The following GALNT17 variants were observed in gnomAD, a reference collection of about 807,000 sequenced individuals.
GALNT17 encodes the protein polypeptide N-acetylgalactosaminyltransferase 17, also known as UDP-GalNAc:polypeptide N-acetylgalactosaminyltransferase-like 3.
Under a neutral mutation model 63.7 loss-of-function variants are expected in GALNT17, and 29 were observed. That is an observed-to-expected ratio of 0.46 (90% CI 0.34 to 0.62). GALNT17 has a LOEUF of 0.62. Ranked by LOEUF, GALNT17 falls within the 20% of genes least tolerant of loss-of-function variation. The pLI is 0.01. For missense variants in GALNT17, 603 were observed against 799.6 expected, an observed-to-expected ratio of 0.75 and a Z score of 2.97; for synonymous variants, 305 against 318.3, an observed-to-expected ratio of 0.96 and a Z score of 0.45.
At position 71,132,895 on chromosome 7, in the gene GALNT17, C is replaced by T. The variant is rs776960588; in HGVS notation, c.93C>T (p.Ile31=). ...TCTTCCTGGCCAAGTGCCGGCCCAT[C>T]GCGGTGCGCAGCGGAGACGCCTTCC... is the stretch of plus-strand genomic sequence containing the variant. ...FVLFLAKCRP[I]AVRSGDAFHE... Residue 31 remains isoleucine, a synonymous_variant, in exon 1 of 11, where the codon ATC becomes ATT. Coordinates refer to ENST00000333538, the MANE Select transcript of GALNT17 (RefSeq NM_022479.3). 2.5e-6 allele frequency: 4 copies of T among 1,612,860 alleles called. No homozygotes were observed. The Admixed American group carries it at 6.7e-5, about 27-fold the overall frequency.
intron 1 of GALNT17, among the ~76,000 whole-genome samples, chr7:71,330,153 C>T (rs962765932): frequency 2.6e-5 from 4 of 151,680 alleles, no homozygotes; most frequent in African/African-American, 9.7e-5. Context: ...GCTGGGACTA[C>T]AGGTGCACAC....
chr7:71,444,655 G>A lies in GALNT17; in HGVS notation c.962+23550G>A, dbSNP rs556051642. On this transcript the variant is annotated intron_variant, in intron 5 of 10. Transcript: ENST00000333538. ...GTTCCAGACCAACCTGGCCAACATG[G>A]TGAAACTCTGTCTTTACTAAAAATA... 9.2e-5 allele frequency among the ~76,000 whole-genome samples: 14 copies of A among 152,242 alleles called. No homozygotes were observed. The South Asian group carries it at 2.7e-3, about 29-fold the overall frequency.
chr7:71,549,959 C>T (rs1218407193), intron 5 of GALNT17, among the ~76,000 whole-genome samples: 3 of 151,274 alleles, frequency 2.0e-5, no homozygotes, highest in African/African-American at 7.3e-5. Flanking sequence ...AAAACCGTCT[C>T]CTGCTTGTCT....
chr7:71,335,806 AT>A (rs1791890686), intron 2 of GALNT17, 73 bp downstream of exon 2: 3 of 1,260,374 alleles, frequency 2.4e-6, no homozygotes, highest in Non-Finnish European at 3.1e-6. Context: ...CGTTTGTGAT[AT>A]TTTCCACTGT....
intron 6 of GALNT17, among the ~76,000 whole-genome samples, chr7:71,592,563 C>CATAGCATACTAAAATAAAATAAAA (rs373112898): frequency 0.017 from 1,193 of 69,580 alleles, 41 homozygotes; most frequent in Admixed American, 0.031. Flanking sequence ...GCATAGCATA[C>CATAGCATACTAAAATAAAATAAAA]TAAAATAAAA....
intron 1 of GALNT17, 21 bp downstream of exon 1, chr7:71,133,061 C>T: frequency 6.6e-7 from 1 of 1,519,226 alleles, no homozygotes; most frequent in South Asian, 1.3e-5. Context: ...ACGCCGGCGC[C>T]TCCGGGGCTC....
intron 5 of GALNT17, among the ~76,000 whole-genome samples, chr7:71,442,489 G>A (rs372069359): frequency 3.3e-5 from 5 of 152,108 alleles, no homozygotes; most frequent in Admixed American, 3.3e-4. Context: ...GTGAGCCACC[G>A]GCCTGCAGAA....
At chr7:71,617,478 C>A (rs1240179229) in intron 6 of GALNT17, among the ~76,000 whole-genome samples, 1 of 151,046 alleles carries the variant, frequency 6.6e-6, no homozygotes, top group African/African-American at 2.4e-5. Flanking sequence ...CCCACCACCA[C>A]TCCCAGCTAA....
At chr7:71,441,184 G>A (rs1283263470) in intron 5 of GALNT17, among the ~76,000 whole-genome samples, 1 of 151,928 alleles carries the variant, frequency 6.6e-6, no homozygotes, top group African/African-American at 2.4e-5. Context: ...CACCACGCCC[G>A]GCTGATTTTT....
intron 1 of GALNT17, among the ~76,000 whole-genome samples, chr7:71,274,300 A>T (rs1448426439): frequency 6.6e-6 from 1 of 152,184 alleles, no homozygotes; most frequent in South Asian, 2.1e-4. Context: ...ATGTTTTTAG[A>T]GATAGGGTCT....
intron 1 of GALNT17, among the ~76,000 whole-genome samples, chr7:71,193,748 G>A (rs1396016730): frequency 6.6e-6 from 1 of 152,052 alleles, no homozygotes; most frequent in Non-Finnish European, 1.5e-5. Context: ...TCAGAAAATA[G>A]CAGTATTCTT....
chr7:71,134,576 T>C (rs1787746397), intron 1 of GALNT17, among the ~76,000 whole-genome samples: 1 of 152,024 alleles, frequency 6.6e-6, no homozygotes, highest in African/African-American at 2.4e-5. Flanking sequence ...ACTTGCAGGG[T>C]ATATGGCCTG....
At chr7:71,457,377 G>T (rs758068980) in intron 5 of GALNT17, among the ~76,000 whole-genome samples, 9 of 152,074 alleles carry the variant, frequency 5.9e-5, no homozygotes, top group Non-Finnish European at 1.2e-4. Flanking sequence ...TTTTGTTACC[G>T]GAAAGGGGTC....
At chr7:71,673,878 C>A (rs556185882) in intron 8 of GALNT17, among the ~76,000 whole-genome samples, 1 of 152,196 alleles carries the variant, frequency 6.6e-6, no homozygotes, top group African/African-American at 2.4e-5. Context: ...TTCCGCCTCC[C>A]GAGTATCTGG....
intron 3 of GALNT17, among the ~76,000 whole-genome samples, chr7:71,397,660 G>A (rs1021705930): frequency 1.3e-5 from 2 of 152,198 alleles, no homozygotes; most frequent in Admixed American, 1.3e-4. Flanking sequence ...CTCTGTGGCT[G>A]TGCGTTGTTG....
At chr7:71,418,635 T>C (rs756066285) in intron 4 of GALNT17, among the ~76,000 whole-genome samples, 1 of 152,194 alleles carries the variant, frequency 6.6e-6, no homozygotes, top group Non-Finnish European at 1.5e-5. Flanking sequence ...GCAAACCAAT[T>C]CACATGTCCA....
At chr7:71,389,750 C>T (rs10226795) in intron 3 of GALNT17, among the ~76,000 whole-genome samples, 4 of 152,118 alleles carry the variant, frequency 2.6e-5, no homozygotes, top group Non-Finnish European at 4.4e-5. Flanking sequence ...AATTCCATCC[C>T]GTGTTAGGAA....
Position 71,514,446 on chromosome 7 carries a change from C to T in GALNT17, c.963-56839C>T, listed in dbSNP as rs2116733896. Among the ~76,000 whole-genome samples, 2 of 152,094 alleles carry T rather than the reference C, an allele frequency of 1.3e-5. 1 individual carries two copies. Among genetic ancestry groups the T allele is most frequent in the Middle Eastern group, 6.8e-3 (2 of 292 alleles). On this transcript the variant is annotated intron_variant, in intron 5 of 10. Coordinates refer to ENST00000333538, the MANE Select transcript of GALNT17 (RefSeq NM_022479.3). Reference sequence around the variant, plus strand: ...TTTTGGGACCTGGGGTACTGCTGTCCCCAGTGCCTTCCTTGAGATGTAGGC... The same window carrying T: ...TTTTGGGACCTGGGGTACTGCTGTCTCCAGTGCCTTCCTTGAGATGTAGGC...
intron 1 of GALNT17, among the ~76,000 whole-genome samples, chr7:71,313,906 G>A (rs1292708555): frequency 6.6e-6 from 1 of 152,136 alleles, no homozygotes; most frequent in Non-Finnish European, 1.5e-5. Flanking sequence ...GCAGTTGTTA[G>A]CCTTGGGAAG....
Sources: allele counts gnomAD v4.1 joint callset (sites outside exome capture counted in the v4.1 genomes callset), GRCh38; gene constraint gnomAD v4.1.1; transcripts MANE v1.5; gene names NCBI Gene and HGNC (gene_info 2026-07-23, HGNC 2026-07-21).